Variants in INTS2 observed in about 807,000 individuals in gnomAD.
INTS2 encodes the protein integrator complex subunit 2.
Under a neutral mutation model 139.6 loss-of-function variants are expected in INTS2, and 57 were observed. That is an observed-to-expected ratio of 0.41 (90% confidence interval 0.33 to 0.51). The LOEUF is 0.51. Ranked by LOEUF, INTS2 falls within the 20% of genes least tolerant of loss-of-function variation. The pLI is 0.28. For synonymous variants in INTS2, 473 were observed against 493.4 expected, an observed-to-expected ratio of 0.96 and a Z score of 0.55; for missense variants, 1,196 against 1,436.7, an observed-to-expected ratio of 0.83 and a Z score of 2.71.
chr17:61,916,512 TG>T, intron 5 of INTS2, among the ~76,000 whole-genome samples: 1 of 152,286 alleles, frequency 6.6e-6, no homozygotes, highest in East Asian at 1.9e-4. Context: ...TACAATCATC[TG>T]ATCTTCAACA....
At chr17:61,895,186 G>A (rs2079334643) in intron 12 of INTS2, 129 bp downstream of exon 12, 5 of 594,906 alleles carry the variant, frequency 8.4e-6, no homozygotes. Flanking sequence ...TTTCAAAGAT[G>A]AAATAAATCA....
chr17:61,906,477 T>C (rs141495225), intron 8 of INTS2, among the ~76,000 whole-genome samples: 13 of 152,312 alleles, frequency 8.5e-5, no homozygotes, highest in African/African-American at 2.4e-4. Flanking sequence ...ATCTGTTATT[T>C]ACTTAGTGAT....
rs555458334 is a variant in INTS2 at position 61,868,233 on chromosome 17, T to C, written c.3245-224A>G. On this transcript the variant is annotated intron_variant, in intron 23 of 24. Coordinates refer to ENST00000251334, the MANE Select transcript of INTS2 (RefSeq NM_001351695.2). The surrounding 1 kb of genome is among the most constrained non-coding windows in gnomAD (Gnocchi z 4.7). ...TAAGTACATTACATGCATTATTTCA[T>C]TGAATTCCTACAATCTTATGAATGA... 5.8e-4 allele frequency among the ~76,000 whole-genome samples: 88 copies of C among 152,288 alleles called. 1 individual carries two copies. The highest frequency in any genetic ancestry group is 2.0e-3 in the African/African-American group (84 of 41,580).
rs556703573 is a variant in INTS2 at position 61,922,177 on chromosome 17, A to T, written c.433-350T>A. On this transcript the variant is annotated intron_variant, in intron 3 of 24. Coordinates refer to ENST00000251334, the MANE Select transcript of INTS2 (RefSeq NM_001351695.2). ...CAGTCAACCTAAAGCAGTTTAACAA[A>T]TATAAATTCATGGCCAGGTGCAGTG... Among the ~76,000 whole-genome samples the T allele has an allele frequency of 1.5e-3, 236 of 152,296 alleles. 1 individual carries two copies. The highest frequency in any genetic ancestry group is 2.9e-3 in the Non-Finnish European group (199 of 68,014).
intron 7 of INTS2, 51 bp downstream of exon 7, chr17:61,911,452 GTTTCTTTCTCTTTTAGC>G: frequency 7.3e-7 from 1 of 1,363,576 alleles, no homozygotes; most frequent in Non-Finnish European, 9.9e-7. Flanking sequence ...TTCAAAAAAT[GTTTCTTTCTCTTTTAGC>G]AGCTGCTAAA....
Position 61,898,464 on chromosome 17 carries a change from T to G in INTS2, c.1308-725A>C, listed in dbSNP as rs1030893598. ...CATGCGCTACTGCATCCAGCTAATATTTTTTATTTTTAGTAGAGGGGAGGT... is the reference window on the plus strand; with the variant it reads ...CATGCGCTACTGCATCCAGCTAATAGTTTTTATTTTTAGTAGAGGGGAGGT... On this transcript the variant is annotated intron_variant, in intron 9 of 24. Transcript: ENST00000251334. Among the ~76,000 whole-genome samples, 5 of 152,050 alleles carry G rather than the reference T, an allele frequency of 3.3e-5. No individual in the cohort carries two copies. In the East Asian group the frequency reaches 9.6e-4, roughly 29 times the overall value.
At chr17:61,885,172 A>G in intron 15 of INTS2, 167 bp from the exon 16 acceptor site, 2 of 596,084 alleles carry the variant, frequency 3.4e-6, no homozygotes, top group Non-Finnish European at 5.9e-6. Flanking sequence ...AAGTGGCTAC[A>G]CAGGAAGAAC....
chr17:61,925,571 G>T (rs572762830), intron 2 of INTS2, among the ~76,000 whole-genome samples: 1 of 149,950 alleles, frequency 6.7e-6, no homozygotes, highest in Non-Finnish European at 1.5e-5. Flanking sequence ...GGCAAGACTC[G>T]GTCTAAAAAA....
intron 3 of INTS2, among the ~76,000 whole-genome samples, chr17:61,924,521 A>T (rs2079687189): frequency 6.6e-6 from 1 of 152,180 alleles, no homozygotes; most frequent in Non-Finnish European, 1.5e-5. Context: ...AAATATATAG[A>T]AATAAAAGTA....
intron 9 of INTS2, among the ~76,000 whole-genome samples, chr17:61,898,698 C>T (rs2079374365): frequency 6.6e-6 from 1 of 152,170 alleles, no homozygotes; most frequent in South Asian, 2.1e-4. Context: ...ACTGCAACCT[C>T]CGCCTCCCGG....
rs1395625736 is a variant in INTS2 at position 61,893,862 on chromosome 17, C to T, written c.1601G>A (p.Ser534Asn). 1.3e-6 allele frequency: 2 copies of T among 1,580,938 alleles called. No individual in the cohort carries two copies. Among genetic ancestry groups the T allele is most frequent in the Non-Finnish European group, 8.6e-7 (1 of 1,162,710 alleles). Reference protein sequence around the residue: ...TAHAVRVPVTSNLSANITGFL... With the variant: ...TAHAVRVPVTNNLSANITGFL... The stretch of plus-strand genomic sequence containing the variant: ...TCCAGTAATGTTGGCACTCAGGTTG[C>T]TGGTGACAGGGACCCGAACTGCATG... Residue 534 changes from serine (S) to asparagine (N), a missense_variant, in exon 13 of 25, where the codon AGC becomes AAC. Transcript: ENST00000251334. The surrounding 1 kb of genome is among the most constrained non-coding windows in gnomAD (Gnocchi z 5.4).
At chr17:61,878,527 G>A (rs540816035) in intron 17 of INTS2, among the ~76,000 whole-genome samples, 45 of 152,084 alleles carry the variant, frequency 3.0e-4, no homozygotes, top group African/African-American at 1.0e-3. Flanking sequence ...TTGCACCAGC[G>A]CACTCCAGCC....
At position 61,871,982 on chromosome 17, in the gene INTS2, C is replaced by G; in HGVS notation, c.2778+283G>C. 1 of 255,550 alleles carries G rather than the reference C, an allele frequency of 3.9e-6. No individual in the cohort carries two copies. Among genetic ancestry groups the G allele is most frequent in the Admixed American group, 5.3e-5 (1 of 18,992 alleles). 15.8% of individuals were successfully genotyped at this position (255,550 alleles called of 1,614,324 possible). ...ATGTGCCGAATGAATAAACATGTAA[C>G]TCTAAACTCAGAATAGGTAAACACT... On this transcript the variant is annotated intron_variant, in intron 20 of 24. Transcript: ENST00000251334. This position sits in a 1 kb window ranked among gnomAD's most constrained non-coding sequence, Gnocchi z 4.9.
intron 5 of INTS2, among the ~76,000 whole-genome samples, chr17:61,915,556 C>T (rs1402821451): frequency 9.5e-5 from 14 of 147,560 alleles, no homozygotes; most frequent in Non-Finnish European, 1.6e-4. Flanking sequence ...CGGTGGCTCA[C>T]GCCTGCAATC....
At chr17:61,889,651 C>T in intron 15 of INTS2, 135 bp downstream of exon 15, 1 of 551,148 alleles carries the variant, frequency 1.8e-6, no homozygotes. Flanking sequence ...ATACAATGCC[C>T]ACATTGCAAA....
rs1210025130 is a variant in INTS2, at chr17:61,909,311, A to G, written c.955-1677T>C. 1.3e-5 allele frequency among the ~76,000 whole-genome samples: 2 copies of G among 152,022 alleles called. No individual in the cohort carries two copies. The highest frequency in any genetic ancestry group is 2.4e-5 in the African/African-American group (1 of 41,406). On this transcript the variant is annotated intron_variant, in intron 7 of 24. Transcript: ENST00000251334. The surrounding 1 kb of genome is among the most constrained non-coding windows in gnomAD (Gnocchi z 4.9). ...TTTTTAGTAGAGACAGGGTTTCACC[A>G]TGTTGGCCAGGATGGTCTCCCTCTC...
chr17:61,889,463 A>G (rs1173976435), intron 15 of INTS2, among the ~76,000 whole-genome samples: 1 of 152,202 alleles, frequency 6.6e-6, no homozygotes, highest in Non-Finnish European at 1.5e-5. Flanking sequence ...AACTCAAATC[A>G]AGAGAAAAAA....
In INTS2 at chr17:61,866,920, A is replaced by C. The variant is rs562344436; in HGVS notation, c.*637T>G. ...TCATATATTAATAAAAATTGAAGCAAATATGTGAAATCTTTAAATCCTCAT... is the reference window on the plus strand; with the variant it reads ...TCATATATTAATAAAAATTGAAGCACATATGTGAAATCTTTAAATCCTCAT... On this transcript the variant is annotated 3_prime_UTR_variant, in exon 25 of 25. Coordinates refer to ENST00000251334, the MANE Select transcript of INTS2 (RefSeq NM_001351695.2). The C allele has an allele frequency of 1.6e-4, 25 of 152,324 alleles. No individual in the cohort carries two copies. In the East Asian group the frequency reaches 2.3e-3, roughly 14 times the overall value. 9.4% of individuals were successfully genotyped at this position (152,324 alleles called of 1,614,324 possible). A position where few individuals can be genotyped will look rare whatever the true frequency, so the allele number is the denominator to read the frequency against.
rs116240482 is a variant in INTS2, at chr17:61,895,894, A to C, written c.1495-511T>G. Among the ~76,000 whole-genome samples, 460 of 152,304 alleles carry C rather than the reference A, an allele frequency of 3.0e-3. 2 individuals carry two copies. Among genetic ancestry groups the C allele is most frequent in the African/African-American group, 0.011 (449 of 41,578 alleles). On this transcript the variant is annotated intron_variant, in intron 11 of 24. Coordinates refer to ENST00000251334, the MANE Select transcript of INTS2 (RefSeq NM_001351695.2). ...AGAAAATATAAGTGACCACTTATAT[A>C]AACCCAAGAAAGGAAAACATTTCTA...
Sources: allele counts gnomAD v4.1 joint callset (sites outside exome capture counted in the v4.1 genomes callset), GRCh38; gene constraint gnomAD v4.1.1; non-coding constraint Gnocchi (gnomAD v3.1); transcripts MANE v1.5; gene names NCBI Gene and HGNC (gene_info 2026-07-23, HGNC 2026-07-21).